FBXL4: variants seen among roughly 807,000 people sequenced by gnomAD.
FBXL4 encodes the protein F-box/LRR-repeat protein 4.
Under a neutral mutation model 58.9 loss-of-function variants are expected in FBXL4, and 40 were observed. The ratio of observed to expected loss-of-function variants is 0.68; its 90% CI spans 0.53 to 0.88. The LOEUF is 0.88. Ranked by LOEUF, FBXL4 falls within the 40% of genes least tolerant of loss-of-function variation. The pLI is 0.00. For synonymous variants in FBXL4, 263 were observed against 265.5 expected (o/e 0.99, Z 0.09); for missense variants, 676 against 734.4 (o/e 0.92, Z 0.92).
At chr6:98,910,710 A>G (rs1306114570) in intron 5 of FBXL4, among the ~76,000 whole-genome samples, 1 of 151,908 alleles carries the variant, frequency 6.6e-6, no homozygotes, top group Non-Finnish European at 1.5e-5. Context: ...AAGATGGCCG[A>G]ATAGGAACAG....
intron 3 of FBXL4, among the ~76,000 whole-genome samples, chr6:98,927,269 G>A (rs903717604): frequency 6.6e-6 from 1 of 152,014 alleles, no homozygotes; most frequent in Admixed American, 6.6e-5. Context: ...TACAATATGG[G>A]AAGCAAAACT....
Position 98,926,787 on chromosome 6 carries a change from C to A in FBXL4, c.202G>T (p.Glu68Ter), listed in dbSNP as rs1369618254. Reference protein sequence around the residue: ...VVDFSSHYGSENSMSYTMWNL... With the variant: ...VVDFSSHYGS ...CACATAGTATAGGACATACTATTCTCACTTCCATAATGGGAACTGAAATCC... is the reference window on the plus strand; with the variant it reads ...CACATAGTATAGGACATACTATTCTAACTTCCATAATGGGAACTGAAATCC... The change falls in exon 4 of 10, where the codon GAG becomes TAG. Residue 68 changes from glutamate (E) to a stop codon, truncating the protein, a stop_gained. Transcript: ENST00000369244. LOFTEE classifies it high-confidence loss of function. The A allele has an allele frequency of 6.2e-7, 1 of 1,614,204 alleles. No homozygotes were observed. The highest frequency in any genetic ancestry group is 8.5e-7 in the Non-Finnish European group (1 of 1,180,032).
intron 1 of FBXL4, among the ~76,000 whole-genome samples, chr6:98,936,598 A>G (rs1773227592): frequency 6.6e-6 from 1 of 152,182 alleles, no homozygotes. Flanking sequence ...TGAGGAGTAA[A>G]TATATTTTCT....
intron 1 of FBXL4, among the ~76,000 whole-genome samples, chr6:98,941,230 A>G (rs574712314): frequency 2.6e-5 from 4 of 152,186 alleles, no homozygotes; most frequent in Non-Finnish European, 5.9e-5. Flanking sequence ...TACTCAGGAA[A>G]AAAAAAAAGA....
intron 1 of FBXL4, among the ~76,000 whole-genome samples, chr6:98,935,487 T>C (rs1398289187): frequency 1.3e-5 from 2 of 152,112 alleles, no homozygotes; most frequent in East Asian, 3.9e-4. Context: ...TGTTTAACGA[T>C]GGGTAAGAAT....
chr6:98,938,947 G>A (rs753199868), intron 1 of FBXL4, among the ~76,000 whole-genome samples: 2 of 151,766 alleles, frequency 1.3e-5, no homozygotes, highest in African/African-American at 2.4e-5. Flanking sequence ...AATTAGCTAA[G>A]TGTGGTGGTG....
chr6:98,882,469 C>G (rs1327070557), intron 7 of FBXL4, among the ~76,000 whole-genome samples: 1 of 151,978 alleles, frequency 6.6e-6, no homozygotes, highest in African/African-American at 2.4e-5. Context: ...TGTGAGGGAT[C>G]TGTCCATGTT....
chr6:98,886,750 G>A (rs1205712032), intron 7 of FBXL4, among the ~76,000 whole-genome samples: 1 of 152,152 alleles, frequency 6.6e-6, no homozygotes, highest in Admixed American at 6.5e-5. Flanking sequence ...CTGACCAGGA[G>A]GCATGGCCAA....
chr6:98,931,649 A>C (rs1056617619), intron 2 of FBXL4, among the ~76,000 whole-genome samples: 2 of 152,232 alleles, frequency 1.3e-5, no homozygotes, highest in Non-Finnish European at 2.9e-5. Context: ...TTTTGAAAAT[A>C]AGCAAGGCAT....
At chr6:98,902,741 T>C (rs1771660829) in intron 6 of FBXL4, among the ~76,000 whole-genome samples, 1 of 151,948 alleles carries the variant, frequency 6.6e-6, no homozygotes, top group African/African-American at 2.4e-5. Flanking sequence ...ATGATACAAT[T>C]AAGTTCCAAA....
At chr6:98,920,285 T>C (rs1772529526) in intron 4 of FBXL4, among the ~76,000 whole-genome samples, 1 of 152,168 alleles carries the variant, frequency 6.6e-6, no homozygotes, top group South Asian at 2.1e-4. Context: ...CTGACTTCCT[T>C]AACATTTCTA....
chr6:98,889,460 T>C (rs1771148867), intron 7 of FBXL4, among the ~76,000 whole-genome samples: 1 of 152,088 alleles, frequency 6.6e-6, no homozygotes, highest in African/African-American at 2.4e-5. Flanking sequence ...GGTGGGCAGA[T>C]CACTTGAGCT....
intron 2 of FBXL4, among the ~76,000 whole-genome samples, chr6:98,930,828 A>G (rs1382093462): frequency 1.3e-5 from 2 of 152,230 alleles, no homozygotes; most frequent in South Asian, 2.1e-4. Context: ...TTCTTTTACC[A>G]TATACACTTT....
intron 7 of FBXL4, 142 bp downstream of exon 7, chr6:98,899,126 G>A: frequency 2.8e-6 from 4 of 1,429,874 alleles, no homozygotes; most frequent in Non-Finnish European, 3.7e-6. Flanking sequence ...GACTGAATCA[G>A]CTCTATTGAT....
intron 7 of FBXL4, chr6:98,898,705 T>C: frequency 1.0e-6 from 1 of 984,950 alleles, no homozygotes; most frequent in Non-Finnish European, 1.2e-6. Flanking sequence ...TTGGAGAATG[T>C]TAAATAGATT....
Position 98,927,039 on chromosome 6 carries a change from C to A in FBXL4, c.-51G>T. On this transcript the variant is annotated 5_prime_UTR_variant, in exon 4 of 10. It removes an upstream start codon present in the reference 5' UTR. Coordinates refer to ENST00000369244, the MANE Select transcript of FBXL4 (RefSeq NM_001278716.2). ...AAGGTCAGGTGTCCTCAGTAAGATG[C>A]ATGAACTCTTTGAAGGATGTTCTAA... The A allele has an allele frequency of 6.5e-7, 1 of 1,549,540 alleles. No homozygotes were observed. The highest frequency in any genetic ancestry group is 2.3e-5 in the East Asian group (1 of 44,316).
chr6:98,874,001 T>C lies in FBXL4; in HGVS notation c.*277A>G, dbSNP rs1770564941. 8.6e-6 allele frequency: 2 copies of C among 233,856 alleles called. No homozygotes were observed. The highest frequency in any genetic ancestry group is 1.1e-4 in the Admixed American group (2 of 17,896). 14.5% of individuals were successfully genotyped at this position (233,856 alleles called of 1,614,324 possible). ...AATAAGTTAGCATGATTCCATGTTATTCTTTTATCAATCATATTATTGACT... is the reference window on the plus strand; with the variant it reads ...AATAAGTTAGCATGATTCCATGTTACTCTTTTATCAATCATATTATTGACT... On this transcript the variant is annotated 3_prime_UTR_variant, in exon 10 of 10. Coordinates refer to ENST00000369244, the MANE Select transcript of FBXL4 (RefSeq NM_001278716.2).
chr6:98,909,271 C>T lies in FBXL4; in HGVS notation c.859-3601G>A, dbSNP rs115476777. ...GTGAAACCCAAACAGACCTCTATGA[C>T]GCAGCAGAATAGACTCCACACTGCC... On this transcript the variant is annotated intron_variant, in intron 5 of 9. Transcript: ENST00000369244. Among the ~76,000 whole-genome samples the T allele has an allele frequency of 6.2e-3, 947 of 152,246 alleles. 11 individuals are homozygous for T. The highest frequency in any genetic ancestry group is 0.021 in the African/African-American group (881 of 41,542).
At position 98,875,534 on chromosome 6, in the gene FBXL4, A is replaced by G; in HGVS notation, c.1583T>C (p.Leu528Pro). The G allele has an allele frequency of 6.2e-7, 1 of 1,614,142 alleles. No individual in the cohort carries two copies. The highest frequency in any genetic ancestry group is 8.5e-7 in the Non-Finnish European group (1 of 1,179,990). ...TTGCAAGTTTGGGAGCTGGTGTGCC[A>G]GTCTGGTGAAGCACCCGGTGCTGCT... ...LQSSTGCFTR[L>P]AHQLPNLQKL... The change falls in exon 9 of 10, where the codon CTG becomes CCG. Residue 528 changes from leucine (L) to proline (P), a missense_variant. Physicochemically the swap from Leu to Pro is moderately conservative, Grantham distance 98 (BLOSUM62 -3). Transcript: ENST00000369244.
Sources: allele counts gnomAD v4.1 joint callset (sites outside exome capture counted in the v4.1 genomes callset), GRCh38; gene constraint gnomAD v4.1.1; transcripts MANE v1.5; gene names NCBI Gene and HGNC (gene_info 2026-07-23, HGNC 2026-07-21).